The following SEC24D variants were observed in gnomAD, a reference collection of about 807,000 sequenced individuals.
The protein encoded by SEC24D is SEC24 homolog D, COPII component, also known as protein transport protein Sec24D.
SEC24D carries 69 observed loss-of-function variants against 116.9 expected under a neutral mutation model. The ratio of observed to expected loss-of-function variants is 0.59; its 90% CI spans 0.49 to 0.72. The LOEUF is 0.72. Among genes scored for constraint, SEC24D ranks in the 30% least tolerant of loss-of-function variants. The probability of loss-of-function intolerance (pLI) is 0.00; values close to 1 mark genes in which losing one functional copy is unlikely to be tolerated. For synonymous variants in SEC24D, 405 were observed against 442.8 expected, an observed-to-expected ratio of 0.91 and a Z score of 1.07; for missense variants, 1,131 against 1,264.1, an observed-to-expected ratio of 0.89 and a Z score of 1.60.
At chr4:118,732,428 C>T (rs1292386426) in intron 20 of SEC24D, among the ~76,000 whole-genome samples, 2 of 152,162 alleles carry the variant, frequency 1.3e-5, no homozygotes, top group East Asian at 1.9e-4. Context: ...ACGTGAGCCA[C>T]GGCACCTGGC....
At chr4:118,779,714 C>G (rs767186500) in intron 8 of SEC24D, among the ~76,000 whole-genome samples, 6 of 152,186 alleles carry the variant, frequency 3.9e-5, no homozygotes, top group Non-Finnish European at 7.3e-5. Flanking sequence ...TAGAATTCAG[C>G]TGTGAATCCA....
Position 118,815,089 on chromosome 4 carries a change from G to T in SEC24D, c.740C>A (p.Ala247Glu). 1.9e-6 allele frequency: 3 copies of T among 1,614,190 alleles called. No individual in the cohort carries two copies. In the South Asian group the frequency reaches 3.3e-5, roughly 18 times the overall value. The change falls in exon 6 of 23, where the codon GCA becomes GAA. Residue 247 changes from alanine to glutamate, a missense_variant. Coordinates refer to ENST00000280551, the MANE Select transcript of SEC24D (RefSeq NM_014822.4). ...GGGCTGTGGCGGACCAGCCATCTGT[G>T]CAGGACCTCCAGGGAAGCCTCCTGG... ...SYPGGFPGGP[A>E]QMAGPPQPQK...
At chr4:118,751,815 C>G (rs903450991) in intron 13 of SEC24D, among the ~76,000 whole-genome samples, 181 bp downstream of exon 13, 2 of 152,196 alleles carry the variant, frequency 1.3e-5, no homozygotes, top group Non-Finnish European at 1.5e-5. Flanking sequence ...AATGGACACA[C>G]TGGGAGCAAT....
At chr4:118,734,702 A>G (rs745753153) in intron 19 of SEC24D, among the ~76,000 whole-genome samples, 2 of 152,222 alleles carry the variant, frequency 1.3e-5, no homozygotes, top group Non-Finnish European at 2.9e-5. Context: ...AACGTATTTC[A>G]GAATGATTCT....
intron 17 of SEC24D, among the ~76,000 whole-genome samples, chr4:118,739,701 T>C (rs1324359910): frequency 1.3e-5 from 2 of 152,228 alleles, no homozygotes; most frequent in Non-Finnish European, 1.5e-5. Flanking sequence ...TTAGGTCTTA[T>C]GCTGATGATA....
At chr4:118,727,697 C>T (rs1463016909) in intron 22 of SEC24D, among the ~76,000 whole-genome samples, 3 of 151,898 alleles carry the variant, frequency 2.0e-5, no homozygotes, top group African/African-American at 7.3e-5. Context: ...TGAGCCTTGT[C>T]TGTCATCTCT....
At chr4:118,744,876 A>G in intron 14 of SEC24D, 68 bp downstream of exon 14, 1 of 840,266 alleles carries the variant, frequency 1.2e-6, no homozygotes, top group Middle Eastern at 2.5e-4. Context: ...TTCTTACATG[A>G]AGAACACACT....
At chr4:118,802,773 C>T (rs1238367663) in intron 7 of SEC24D, among the ~76,000 whole-genome samples, 1 of 152,088 alleles carries the variant, frequency 6.6e-6, no homozygotes, top group Non-Finnish European at 1.5e-5. Flanking sequence ...AGCAGGGGCT[C>T]GCATAGATAC....
At chr4:118,800,887 G>A (rs1468605323) in intron 7 of SEC24D, among the ~76,000 whole-genome samples, 1 of 152,084 alleles carries the variant, frequency 6.6e-6, no homozygotes, top group Non-Finnish European at 1.5e-5. Flanking sequence ...TTGAGTCCAG[G>A]TTGTCAAGGC....
chr4:118,826,462 A>C (rs972534306), intron 2 of SEC24D, among the ~76,000 whole-genome samples: 1 of 152,226 alleles, frequency 6.6e-6, no homozygotes, highest in African/African-American at 2.4e-5. Flanking sequence ...TTATTCTAAC[A>C]AAGCATATGC....
intron 8 of SEC24D, among the ~76,000 whole-genome samples, chr4:118,793,429 T>C (rs1729029869): frequency 1.5e-5 from 2 of 131,966 alleles, no homozygotes; most frequent in Admixed American, 1.8e-4. Flanking sequence ...ATCCCGCCAC[T>C]GCACTCCAGC....
chr4:118,763,022 A>T (rs1035862677), intron 10 of SEC24D, among the ~76,000 whole-genome samples: 1 of 152,178 alleles, frequency 6.6e-6, no homozygotes, highest in Non-Finnish European at 1.5e-5. Context: ...TCGGCAAATA[A>T]ATTTTCCATC....
At chr4:118,777,980 A>G (rs552450292) in intron 8 of SEC24D, among the ~76,000 whole-genome samples, 77 of 152,066 alleles carry the variant, frequency 5.1e-4, no homozygotes, top group African/African-American at 1.8e-3. Context: ...AAATTTGTTT[A>G]AGTTCTTTGT....
chr4:118,760,634 T>G (rs1727327385), intron 10 of SEC24D: 1 of 152,200 alleles, frequency 6.6e-6, no homozygotes, highest in Non-Finnish European at 1.5e-5. Context: ...TATGCAAATA[T>G]CTTTTTGAGA....
Position 118,742,512 on chromosome 4 carries a change from TA to T in SEC24D, c.1995+1475del, listed in dbSNP as rs1726279000. ...AAGGGTCAGAATTCTGTATGATTAT[TA>T]AAAGTTTATTTTCTAGAGTGTATCT... is the stretch of plus-strand genomic sequence containing the variant. On this transcript the variant is annotated intron_variant, in intron 15 of 22. Coordinates refer to ENST00000280551, the MANE Select transcript of SEC24D (RefSeq NM_014822.4). Among the ~76,000 whole-genome samples the T allele has an allele frequency of 2.0e-5, 3 of 152,234 alleles. No homozygotes were observed. The East Asian group carries it at 5.8e-4, about 29-fold the overall frequency.
At chr4:118,802,606 A>C (rs2110510969) in intron 7 of SEC24D, among the ~76,000 whole-genome samples, 1 of 152,306 alleles carries the variant, frequency 6.6e-6, no homozygotes, top group South Asian at 2.1e-4. Context: ...TCTTCTTGCC[A>C]AGGGCTAGGC....
rs754755367 is a variant in SEC24D, at chr4:118,745,060, C to T, written c.1708G>A (p.Ala570Thr). 6.6e-7 allele frequency: 1 copy of T among 1,521,718 alleles called. No homozygotes were observed. Among genetic ancestry groups the T allele is most frequent in the South Asian group, 1.2e-5 (1 of 82,914 alleles). The allele number at this position is 1,521,718 out of a possible 1,614,324, so 94.3% of individuals were successfully genotyped here. A position where few individuals can be genotyped will look rare whatever the true frequency, so the allele number is the denominator to read the frequency against. The change falls in exon 14 of 23, where the codon GCA (alanine) becomes ACA (threonine). Residue 570 changes from alanine (A) to threonine (T), a missense_variant and splice_region_variant. Ala to Thr is a moderately conservative substitution (Grantham distance 58, BLOSUM62 0). Coordinates refer to ENST00000280551, the MANE Select transcript of SEC24D (RefSeq NM_014822.4). ...AACAGCTTCCCAGGACAGTCTGCTG[C>T]CTAAAAAAAAAAAAAAACCCAAAAA... is the stretch of plus-strand genomic sequence containing the variant. ...VIQAGMEALK[A>T]ADCPGKLFIF...
Position 118,770,614 on chromosome 4 carries a change from C to T in SEC24D, c.1042-2303G>A, listed in dbSNP as rs927053166. On this transcript the variant is annotated intron_variant, in intron 8 of 22. Transcript: ENST00000280551. The stretch of plus-strand genomic sequence containing the variant: ...AAAAGTCCAAAGGCTGTAACAAATC[C>T]CCTGATTTTAGAAACCAAATAAGAT... Among the ~76,000 whole-genome samples the T allele has an allele frequency of 4.7e-4, 72 of 152,110 alleles. 6 individuals are homozygous for T. The highest frequency in any genetic ancestry group is 2.0e-4 in the Admixed American group (3 of 15,264).
At position 118,778,377 on chromosome 4, in the gene SEC24D, T is replaced by G. The variant is rs182285674; in HGVS notation, c.1042-10066A>C. 8.7e-3 allele frequency among the ~76,000 whole-genome samples: 1,318 copies of G among 152,304 alleles called. 10 individuals carry two copies. Among genetic ancestry groups the G allele is most frequent in the Non-Finnish European group, 0.013 (902 of 68,022 alleles). ...ATTAAACAGGGAAACCTTTCCCCATTTCTTGTTTTTGTTAGGTTTGTCAAA... is the reference window on the plus strand; with the variant it reads ...ATTAAACAGGGAAACCTTTCCCCATGTCTTGTTTTTGTTAGGTTTGTCAAA... On this transcript the variant is annotated intron_variant, in intron 8 of 22. Coordinates refer to ENST00000280551, the MANE Select transcript of SEC24D (RefSeq NM_014822.4).
Sources: allele counts gnomAD v4.1 joint callset (sites outside exome capture counted in the v4.1 genomes callset), GRCh38; gene constraint gnomAD v4.1.1; transcripts MANE v1.5; gene names NCBI Gene and HGNC (gene_info 2026-07-23, HGNC 2026-07-21).